RBFOX1: variants seen among roughly 807,000 people sequenced by gnomAD.
RBFOX1 encodes RNA binding fox-1 homolog 1, also known as RNA binding protein fox-1 homolog 1.
Under a neutral mutation model 57.7 loss-of-function variants are expected in RBFOX1, and 8 were observed. That is an observed-to-expected ratio of 0.14 (90% CI 0.08 to 0.25). The LOEUF (loss-of-function observed/expected upper bound fraction) is 0.25. Ranked by LOEUF, RBFOX1 falls within the 10% of genes least tolerant of loss-of-function variation. RBFOX1 has a pLI of 1.00. For synonymous variants in RBFOX1, 326 were observed against 222.4 expected (o/e 1.47, Z -4.15); for missense variants, 611 against 548.5 (o/e 1.11, Z -1.14).
chr16:7,001,753 G>C (rs945694312), intron 3 of RBFOX1, among the ~76,000 whole-genome samples: 1 of 151,960 alleles, frequency 6.6e-6, no homozygotes, highest in African/African-American at 2.4e-5. Flanking sequence ...CAACACACTG[G>C]CCTCTATTAT....
chr16:6,067,219 A>C (rs932866969), intron 1 of RBFOX1, among the ~76,000 whole-genome samples: 3 of 152,200 alleles, frequency 2.0e-5, no homozygotes, highest in Non-Finnish European at 4.4e-5. Context: ...CCTACAGGGC[A>C]TGCAGGCCAA....
intron 3 of RBFOX1, among the ~76,000 whole-genome samples, chr16:5,848,329 G>T (rs1479558798): frequency 6.6e-6 from 1 of 152,148 alleles, no homozygotes; most frequent in Non-Finnish European, 1.5e-5. Context: ...AACAAAAACC[G>T]ATGTCTTGTT....
chr16:6,945,512 G>T (rs924518730), intron 3 of RBFOX1, among the ~76,000 whole-genome samples: 2 of 151,842 alleles, frequency 1.3e-5, no homozygotes, highest in African/African-American at 4.8e-5. Flanking sequence ...CTCATTTTTG[G>T]AAAACACTAC....
intron 2 of RBFOX1, among the ~76,000 whole-genome samples, chr16:6,432,841 G>T (rs1336296987): frequency 6.6e-6 from 1 of 152,094 alleles, no homozygotes; most frequent in African/African-American, 2.4e-5. Context: ...AGCTGGGCGT[G>T]GTGGTGCATG....
chr16:7,701,732 G>A (rs2080802813), intron 14 of RBFOX1, among the ~76,000 whole-genome samples: 1 of 151,534 alleles, frequency 6.6e-6, no homozygotes, highest in South Asian at 2.1e-4. Flanking sequence ...ACTAGGAGAA[G>A]GCTATAGTAA....
At chr16:6,859,202 T>C (rs1008354432) in intron 3 of RBFOX1, among the ~76,000 whole-genome samples, 6 of 127,970 alleles carry the variant, frequency 4.7e-5, no homozygotes, top group Non-Finnish European at 8.3e-5. Flanking sequence ...TATATGTATA[T>C]ATATATATAC....
rs149288013 is a variant in RBFOX1, at chr16:7,331,890, G to A, written c.28-186257G>A. On this transcript the variant is annotated intron_variant, in intron 4 of 15. Transcript: ENST00000550418. ...CCTATGTAACATATCCCAAATGATT[G>A]CTTGGGTATTTTCAAACACCAGAAA... Among the ~76,000 whole-genome samples, 17 of 152,180 alleles carry A rather than the reference G, an allele frequency of 1.1e-4. No homozygotes were observed. The East Asian group carries it at 2.7e-3, about 24-fold the overall frequency.
intron 4 of RBFOX1, among the ~76,000 whole-genome samples, chr16:7,263,007 T>C (rs1031336869): frequency 6.6e-6 from 1 of 152,186 alleles, no homozygotes; most frequent in Non-Finnish European, 1.5e-5. Context: ...GAAAGGAGTT[T>C]GTGCAGACTT....
intron 2 of RBFOX1, among the ~76,000 whole-genome samples, chr16:6,612,838 A>T (rs1229588373): frequency 8.0e-6 from 1 of 125,556 alleles, no homozygotes; most frequent in Non-Finnish European, 1.6e-5. Flanking sequence ...GGAGACAGTG[A>T]GACTCTCTCT....
At chr16:6,942,602 G>A (rs138925040) in intron 3 of RBFOX1, among the ~76,000 whole-genome samples, 1 of 152,168 alleles carries the variant, frequency 6.6e-6, no homozygotes, top group Non-Finnish European at 1.5e-5. Flanking sequence ...GATCAAGACA[G>A]AGTGGACTTT....
In RBFOX1 at chr16:5,858,367, G is replaced by A. The variant is rs13380631; in HGVS notation, c.319-8936G>A. 2.1e-3 allele frequency among the ~76,000 whole-genome samples: 320 copies of A among 152,244 alleles called. 2 individuals are homozygous for A. Among genetic ancestry groups the A allele is most frequent in the African/African-American group, 7.4e-3 (309 of 41,542 alleles). On this transcript the variant is annotated intron_variant, in intron 3 of 19. Coordinates refer to the RBFOX1 transcript ENST00000641259. ...TACCATGTGTCAGGGTGACTGATGG[G>A]CTTGTCACAGCTCAGACTCCCTGTA...
chr16:6,953,548 G>C (rs1291445160), intron 3 of RBFOX1, among the ~76,000 whole-genome samples: 3 of 152,038 alleles, frequency 2.0e-5, no homozygotes, highest in Admixed American at 2.0e-4. Context: ...ACCACACCTG[G>C]CTAATGTGTT....
intron 1 of RBFOX1, among the ~76,000 whole-genome samples, chr16:6,075,801 A>C (rs2095890698): frequency 6.6e-6 from 1 of 152,218 alleles, no homozygotes; most frequent in Non-Finnish European, 1.5e-5. Context: ...AATTAACTGA[A>C]TTAACTGTAA....
At chr16:5,980,609 G>A (rs765124421) in intron 4 of RBFOX1, among the ~76,000 whole-genome samples, 3 of 152,126 alleles carry the variant, frequency 2.0e-5, no homozygotes, top group South Asian at 2.1e-4. Flanking sequence ...GGGTCTGCTT[G>A]GTGACTTTGG....
chr16:7,596,086 T>G (rs1484153397), intron 8 of RBFOX1, among the ~76,000 whole-genome samples: 2 of 26,760 alleles, frequency 7.5e-5, no homozygotes, highest in Admixed American at 4.7e-4. Context: ...AAGATTGTTT[T>G]TTTGTTTGTT....
chr16:7,056,496 T>C (rs926822937), intron 4 of RBFOX1, among the ~76,000 whole-genome samples: 1 of 152,140 alleles, frequency 6.6e-6, no homozygotes, highest in African/African-American at 2.4e-5. Context: ...ATGGTGATAG[T>C]CGTACAGTGA....
intron 2 of RBFOX1, among the ~76,000 whole-genome samples, chr16:6,321,562 G>A (rs534187853): frequency 3.3e-5 from 5 of 152,138 alleles, no homozygotes; most frequent in Non-Finnish European, 7.4e-5. Flanking sequence ...ATTCTAACTG[G>A]TTGGTGCCTA....
intron 1 of RBFOX1, among the ~76,000 whole-genome samples, chr16:5,332,203 C>G (rs996642701): frequency 6.6e-6 from 1 of 152,148 alleles, no homozygotes; most frequent in Non-Finnish European, 1.5e-5. Flanking sequence ...TATTTAACAC[C>G]TAATGATAAC....
intron 4 of RBFOX1, among the ~76,000 whole-genome samples, chr16:7,077,571 A>C (rs903348938): frequency 2.0e-5 from 3 of 152,188 alleles, no homozygotes; most frequent in African/African-American, 7.2e-5. Context: ...ACAATGATGA[A>C]ATTTGCTGCT....
Sources: gnomAD v4.1 joint callset for allele counts (sites outside exome capture counted in the v4.1 genomes callset) on GRCh38, gnomAD v4.1.1 for gene constraint, MANE v1.5 for transcripts, NCBI Gene and HGNC (gene_info 2026-07-23, HGNC 2026-07-21) for gene names.